Variants in PRKD1 observed in about 807,000 individuals in gnomAD.
PRKD1 encodes the protein protein kinase D1, also known as serine/threonine-protein kinase D1.
Under a neutral mutation model 95.9 loss-of-function variants are expected in PRKD1, and 63 were observed. The observed-to-expected ratio is 0.66, with a 90% CI of 0.54 to 0.81. PRKD1 has a LOEUF of 0.81. Among genes scored for constraint, PRKD1 ranks in the 30% least tolerant of loss-of-function variants. The pLI is 0.00. For missense variants in PRKD1, 1,048 were observed against 1,165.3 expected (o/e 0.90, Z 1.47); for synonymous variants, 425 against 423.1 (o/e 1.00, Z -0.05).
In PRKD1 at chr14:29,620,849, T is replaced by A. The variant is rs542545492; in HGVS notation, c.1905+3303A>T. Among the ~76,000 whole-genome samples, 54 of 151,786 alleles carry A rather than the reference T, an allele frequency of 3.6e-4. No homozygotes were observed. The East Asian group carries it at 9.8e-3, about 28-fold the overall frequency. The stretch of plus-strand genomic sequence containing the variant: ...GGGTGTATAACCAAAGGACTATAAA[T>A]CATGCTGCTATAAAGACACATGCAC... On this transcript the variant is annotated intron_variant, in intron 13 of 17. Transcript: ENST00000331968.
At chr14:29,760,607 C>A (rs1465672892) in intron 1 of PRKD1, among the ~76,000 whole-genome samples, 1 of 152,074 alleles carries the variant, frequency 6.6e-6, no homozygotes, top group Non-Finnish European at 1.5e-5. Flanking sequence ...CCTGCCTCGG[C>A]CTCCCAAAGT....
intron 16 of PRKD1, 46 bp from the exon 17 acceptor site, chr14:29,578,406 T>A (rs377405556): frequency 7.3e-7 from 1 of 1,369,914 alleles, no homozygotes; most frequent in Admixed American, 1.8e-5. Context: ...CTGTAACATA[T>A]GCATAATTCA....
At chr14:29,750,910 C>G (rs1887452192) in intron 1 of PRKD1, among the ~76,000 whole-genome samples, 1 of 152,172 alleles carries the variant, frequency 6.6e-6, no homozygotes, top group Non-Finnish European at 1.5e-5. Flanking sequence ...TATTCCCATT[C>G]AAAAGATGTG....
chr14:29,639,791 T>C (rs1880641635), intron 4 of PRKD1, among the ~76,000 whole-genome samples: 1 of 152,162 alleles, frequency 6.6e-6, no homozygotes. Context: ...GAATATACTA[T>C]AAGAGGAATA....
At chr14:29,832,837 C>T (rs1891466823) in intron 1 of PRKD1, among the ~76,000 whole-genome samples, 1 of 152,038 alleles carries the variant, frequency 6.6e-6, no homozygotes, top group South Asian at 2.1e-4. Flanking sequence ...CTTAACAAGG[C>T]TCCCAGTGAC....
intron 1 of PRKD1, among the ~76,000 whole-genome samples, chr14:29,796,536 GA>G (rs1889825681): frequency 6.6e-6 from 1 of 152,110 alleles, no homozygotes; most frequent in African/African-American, 2.4e-5. Flanking sequence ...TCATGAGACT[GA>G]ATGAGATCCC....
intron 1 of PRKD1, among the ~76,000 whole-genome samples, chr14:29,773,543 G>T (rs1888604595): frequency 6.6e-6 from 1 of 151,086 alleles, no homozygotes. Context: ...CATGATCCAT[G>T]AATTACCCTC....
chr14:29,639,544 G>C (rs575743940), intron 4 of PRKD1, among the ~76,000 whole-genome samples: 5 of 151,892 alleles, frequency 3.3e-5, no homozygotes, highest in African/African-American at 1.2e-4. Flanking sequence ...GCTTGAACCT[G>C]GGAGACAGAG....
At chr14:29,913,416 G>A (rs1031969150) in intron 1 of PRKD1, among the ~76,000 whole-genome samples, 1 of 152,144 alleles carries the variant, frequency 6.6e-6, no homozygotes, top group Non-Finnish European at 1.5e-5. Context: ...CAACAGGCAT[G>A]GAATTGGGAC....
chr14:29,883,691 T>C (rs1038255528), intron 1 of PRKD1, among the ~76,000 whole-genome samples: 1 of 152,172 alleles, frequency 6.6e-6, no homozygotes, highest in Non-Finnish European at 1.5e-5. Flanking sequence ...TTATCTCATG[T>C]TTGAATTTGT....
chr14:29,756,335 C>T (rs934462648), intron 1 of PRKD1, among the ~76,000 whole-genome samples: 2 of 152,030 alleles, frequency 1.3e-5, no homozygotes, highest in East Asian at 1.9e-4. Context: ...CTGTACTATG[C>T]GTAAAGACTT....
At chr14:29,580,140 C>G (rs1289694111) in intron 16 of PRKD1, among the ~76,000 whole-genome samples, 1 of 152,100 alleles carries the variant, frequency 6.6e-6, no homozygotes, top group African/African-American at 2.4e-5. Context: ...GTTTGGAATT[C>G]TGTAATTAGA....
intron 1 of PRKD1, among the ~76,000 whole-genome samples, chr14:29,747,834 C>T (rs967270386): frequency 1.3e-5 from 2 of 152,248 alleles, no homozygotes; most frequent in African/African-American, 4.8e-5. Flanking sequence ...ACCTCTGTCT[C>T]CTGAACTCAA....
At chr14:29,841,902 T>G (rs192982404) in intron 1 of PRKD1, among the ~76,000 whole-genome samples, 1 of 152,074 alleles carries the variant, frequency 6.6e-6, no homozygotes, top group African/African-American at 2.4e-5. Context: ...AAAATTTTCT[T>G]TTTTTATATA....
In PRKD1 at chr14:29,676,181, TTG is replaced by T. The variant is rs1491406341; in HGVS notation, c.404-9975_404-9974del. Among the ~76,000 whole-genome samples the T allele has an allele frequency of 7.5e-3, 831 of 111,524 alleles. 62 individuals carry two copies. Among genetic ancestry groups the T allele is most frequent in the African/African-American group, 0.036 (762 of 21,430 alleles). 73.2% of individuals were successfully genotyped at this position (111,524 alleles called of 152,430 possible). On this transcript the variant is annotated intron_variant, in intron 2 of 17. Coordinates refer to ENST00000331968, the MANE Select transcript of PRKD1 (RefSeq NM_002742.3). The stretch of plus-strand genomic sequence containing the variant: ...TAGGCATGCATAGTTCATTACGTTT[TTG>T]TTTTTTTTTTTTTTTTTTTTGCTGA...
intron 2 of PRKD1, among the ~76,000 whole-genome samples, chr14:29,695,605 A>C (rs1405782866): frequency 6.6e-6 from 1 of 152,250 alleles, no homozygotes; most frequent in African/African-American, 2.4e-5. Flanking sequence ...TAAGAGCTGC[A>C]GGTCTGGAAG....
chr14:29,885,110 G>A (rs1009775381), intron 1 of PRKD1, among the ~76,000 whole-genome samples: 7 of 139,666 alleles, frequency 5.0e-5, no homozygotes, highest in African/African-American at 8.6e-5. Flanking sequence ...GCAACAGAGC[G>A]AGACTCCATC....
chr14:29,806,350 T>C (rs45536637), intron 1 of PRKD1, among the ~76,000 whole-genome samples: 5,090 of 152,202 alleles, frequency 0.033, 111 homozygotes, highest in Non-Finnish European at 0.053. Flanking sequence ...GATTGGGCAA[T>C]AGGCTTGGGA....
chr14:29,611,261 G>A (rs183585031), intron 13 of PRKD1, among the ~76,000 whole-genome samples: 9 of 152,220 alleles, frequency 5.9e-5, no homozygotes, highest in Admixed American at 5.9e-4. Context: ...GTGTATATGG[G>A]AAATCACTGT....
Sources: gnomAD v4.1 joint callset for allele counts (sites outside exome capture counted in the v4.1 genomes callset) on GRCh38, gnomAD v4.1.1 for gene constraint, MANE v1.5 for transcripts, NCBI Gene and HGNC (gene_info 2026-07-23, HGNC 2026-07-21) for gene names.